Variants in TENM2 observed in about 807,000 individuals in gnomAD.
The protein encoded by TENM2 is teneurin transmembrane protein 2, also known as teneurin-2.
Under a neutral mutation model 245.2 loss-of-function variants are expected in TENM2, and 52 were observed. That is an observed-to-expected ratio of 0.21 (90% CI 0.17 to 0.27). The LOEUF is 0.27. Ranked by LOEUF, TENM2 falls within the 10% of genes least tolerant of loss-of-function variation. The pLI is 1.00. For missense variants in TENM2, 3,046 were observed against 3,666.8 expected (o/e 0.83, Z 4.37); for synonymous variants, 1,363 against 1,438.9 (o/e 0.95, Z 1.19).
chr5:167,884,232 A>C (rs1774104386), intron 3 of TENM2, among the ~76,000 whole-genome samples: 1 of 152,228 alleles, frequency 6.6e-6, no homozygotes, highest in East Asian at 1.9e-4. Flanking sequence ...TTTAACAAAC[A>C]ATGTTCTATT....
intron 2 of TENM2, among the ~76,000 whole-genome samples, chr5:167,498,860 A>G (rs1768991014): frequency 6.6e-6 from 1 of 152,124 alleles, no homozygotes; most frequent in South Asian, 2.1e-4. Context: ...TACTGAGATG[A>G]TGACGATATT....
chr5:167,486,899 G>GA (rs1484310248), intron 2 of TENM2, among the ~76,000 whole-genome samples: 1 of 151,986 alleles, frequency 6.6e-6, no homozygotes, highest in Admixed American at 6.5e-5. Flanking sequence ...TGGGTAGGGA[G>GA]AAAAAAATCA....
chr5:167,741,510 G>C (rs1251617383), intron 2 of TENM2, among the ~76,000 whole-genome samples: 13 of 152,160 alleles, frequency 8.5e-5, no homozygotes. Flanking sequence ...TCTGCAGCAA[G>C]TCTGCCTTGG....
chr5:167,260,758 A>G, the TENM2 span, among the ~76,000 whole-genome samples: 1 of 152,208 alleles, frequency 6.6e-6, no homozygotes, highest in African/African-American at 2.4e-5. Context: ...AACATAGAGC[A>G]AAACGTAAAC....
At chr5:168,106,834 G>A (rs1794282583) in intron 9 of TENM2, among the ~76,000 whole-genome samples, 1 of 152,208 alleles carries the variant, frequency 6.6e-6, no homozygotes, top group Admixed American at 6.5e-5. Flanking sequence ...GCCAAGACAG[G>A]CAGATCACTT....
chr5:167,357,667 C>T (rs1759433717), intron 1 of TENM2, among the ~76,000 whole-genome samples: 1 of 152,126 alleles, frequency 6.6e-6, no homozygotes, highest in Non-Finnish European at 1.5e-5. Flanking sequence ...TGAATCAAGG[C>T]AAGGCTAGTG....
chr5:167,694,709 A>G (rs1235802258), intron 2 of TENM2, among the ~76,000 whole-genome samples: 1 of 152,030 alleles, frequency 6.6e-6, no homozygotes, highest in Non-Finnish European at 1.5e-5. Context: ...CCCAGCTCTT[A>G]ATCTCTTGGT....
At chr5:167,935,795 C>CTA (rs1321093343) in intron 3 of TENM2, among the ~76,000 whole-genome samples, 1 of 152,142 alleles carries the variant, frequency 6.6e-6, no homozygotes, top group South Asian at 2.1e-4. Context: ...GTTGCCAGCA[C>CTA]TGTATTTGGC....
intron 3 of TENM2, among the ~76,000 whole-genome samples, chr5:167,896,430 G>GTCAGAGCAATGT (rs1775228903): frequency 6.6e-6 from 1 of 152,216 alleles, no homozygotes; most frequent in Non-Finnish European, 1.5e-5. Flanking sequence ...ATACACAAAA[G>GTCAGAGCAATGT]TCAGAGCAAT....
intron 2 of TENM2, among the ~76,000 whole-genome samples, chr5:167,548,240 A>G (rs1562045641): frequency 6.6e-6 from 1 of 152,180 alleles, no homozygotes; most frequent in Non-Finnish European, 1.5e-5. Flanking sequence ...GAGAGTGAGA[A>G]AGGACTCTTT....
rs572268179 is a variant in TENM2 at position 167,826,330 on chromosome 5, T to C, written c.503-49656T>C. ...CCAGGTTCCCTGCTGCATTTCTATT[T>C]CTTCCGATTGGCCAGAAATTCAAAT... On this transcript the variant is annotated intron_variant, in intron 2 of 28. Transcript: ENST00000518659. Among the ~76,000 whole-genome samples the C allele has an allele frequency of 1.3e-4, 20 of 152,316 alleles. No homozygotes were observed. In the South Asian group the frequency reaches 3.1e-3, roughly 24 times the overall value.
chr5:167,692,062 C>T (rs1757468661), intron 2 of TENM2, among the ~76,000 whole-genome samples: 3 of 152,042 alleles, frequency 2.0e-5, no homozygotes, highest in Admixed American at 2.0e-4. Flanking sequence ...ATAGCCTTCT[C>T]TTTCTTCCTG....
chr5:168,047,440 C>G (rs200480881), exon 6 of TENM2: 12 of 1,551,678 alleles, frequency 7.7e-6, no homozygotes, highest in Non-Finnish European at 1.0e-5. Flanking sequence ...TGCATCTGCT[C>G]GGACTCAATT....
intron 3 of TENM2, among the ~76,000 whole-genome samples, chr5:167,920,629 T>C (rs1388296884): frequency 2.0e-5 from 3 of 152,004 alleles, no homozygotes; most frequent in Non-Finnish European, 4.4e-5. Context: ...CCAGACTGTG[T>C]AGGACACTTA....
chr5:166,984,717 G>T, the TENM2 span, among the ~76,000 whole-genome samples: 1 of 151,998 alleles, frequency 6.6e-6, no homozygotes, highest in African/African-American at 2.4e-5. Flanking sequence ...CGTGCATATG[G>T]CTAGTCCAAA....
chr5:167,972,606 G>T (rs766628761), intron 4 of TENM2, among the ~76,000 whole-genome samples: 1 of 151,834 alleles, frequency 6.6e-6, no homozygotes, highest in Non-Finnish European at 1.5e-5. Context: ...TAGATCAAAG[G>T]GTATGTATAA....
At chr5:167,896,857 A>G (rs1323380886) in intron 3 of TENM2, among the ~76,000 whole-genome samples, 1 of 152,248 alleles carries the variant, frequency 6.6e-6, no homozygotes, top group Non-Finnish European at 1.5e-5. Flanking sequence ...GAAAGCTGTT[A>G]GAGAGGAATT....
chr5:168,042,440 G>C (rs1036531070), intron 5 of TENM2, among the ~76,000 whole-genome samples: 1 of 152,098 alleles, frequency 6.6e-6, no homozygotes, highest in Admixed American at 6.5e-5. Context: ...TGACTCTCTT[G>C]TCAGGTTGAT....
At chr5:167,827,032 G>A (rs1561826272) in intron 2 of TENM2, among the ~76,000 whole-genome samples, 5 of 152,250 alleles carry the variant, frequency 3.3e-5, no homozygotes, top group Non-Finnish European at 7.3e-5. Context: ...GAAACTGACT[G>A]TATCCATCCT....
Sources: allele counts gnomAD v4.1 joint callset (sites outside exome capture counted in the v4.1 genomes callset), GRCh38; gene constraint gnomAD v4.1.1; transcripts MANE v1.5; gene names NCBI Gene and HGNC (gene_info 2026-07-23, HGNC 2026-07-21).